The following CFAP47 variants were observed in gnomAD, a reference collection of about 807,000 sequenced individuals.
CFAP47 encodes the protein cilia- and flagella-associated protein 47.
In CFAP47, 29 loss-of-function variants were observed where a neutral mutation model predicts 148.1. That is an observed-to-expected ratio of 0.20 (90% confidence interval 0.15 to 0.27). CFAP47 has a LOEUF of 0.27. CFAP47 is among the 10% of genes least tolerant of loss of function. The pLI is 1.00. For missense variants in CFAP47, 1,872 were observed against 1,697.5 expected (o/e 1.10, Z -1.81); for synonymous variants, 664 against 577.3 (o/e 1.15, Z -2.15).
At chrX:36,306,257 G>A (rs1179349971) in intron 54 of CFAP47, among the ~76,000 whole-genome samples, 6 of 111,503 alleles carry the variant, frequency 5.4e-5, no homozygotes, top group African/African-American at 2.0e-4. Context: ...AACTAATACT[G>A]TACAGACTCA....
At chrX:36,199,919 C>CT (rs1473047520) in intron 42 of CFAP47, among the ~76,000 whole-genome samples, 1 of 111,588 alleles carries the variant, frequency 9.0e-6, no homozygotes, top group Non-Finnish European at 1.9e-5. Context: ...TACTTCTGGT[C>CT]TAATTATTTT....
Position 36,137,980 on chromosome X carries a change from G to T in CFAP47, c.5343G>T (p.Trp1781Cys), listed in dbSNP as rs1891599437. Residue 1781 changes from tryptophan (W) to cysteine (C), a missense_variant, in exon 34 of 64, where the codon TGG becomes TGT. Coordinates refer to ENST00000378653, the MANE Select transcript of CFAP47 (RefSeq NM_001304548.2). ...CAGATGTTATCCCTTCTGAGAGATG[G>T]ATAGTAAATTTTGACAAAGACCTTT... Reference protein sequence around the residue: ...CHKDVIPSERWIVNFDKDLSD... With the variant: ...CHKDVIPSERCIVNFDKDLSD... The T allele has an allele frequency of 2.5e-6, 2 of 807,291 alleles. No homozygotes were observed. The allele number at this position is 807,291 out of a possible 1,213,427, so 66.5% of individuals were successfully genotyped here. A position where few individuals can be genotyped will look rare whatever the true frequency, so the allele number is the denominator to read the frequency against.
chrX:36,369,124 G>A (rs892536312), intron 62 of CFAP47, among the ~76,000 whole-genome samples: 2 of 110,884 alleles, frequency 1.8e-5, no homozygotes, highest in South Asian at 3.8e-4. Context: ...TAAGTTCAAG[G>A]GCAGTTTCTA....
At chrX:35,965,844 CTGT>C (rs1398911513) in intron 8 of CFAP47, among the ~76,000 whole-genome samples, 1 of 110,869 alleles carries the variant, frequency 9.0e-6, no homozygotes, top group Admixed American at 9.6e-5. Flanking sequence ...AGTTGCAAGG[CTGT>C]TGTTTTTCAA....
intron 45 of CFAP47, among the ~76,000 whole-genome samples, chrX:36,222,111 A>G (rs1350988224): frequency 8.9e-6 from 1 of 111,799 alleles, no homozygotes; most frequent in Non-Finnish European, 1.9e-5. Flanking sequence ...GCACTTAACA[A>G]CTTTTCAGTA....
Position 35,919,875 on chromosome X carries a change from C to G in CFAP47, c.76C>G (p.Leu26Val). The change falls in exon 1 of 64, where the codon CTC (leucine) becomes GTC (valine). Residue 26 changes from leucine to valine, a missense_variant. By Grantham distance (32) the Leu-to-Val change is conservative. Transcript: ENST00000378653. ...CGCCATGAGCATCCAAAGGGGTTCCCTCGTCCCCCGGGATATGGATAGCTC... is the reference window on the plus strand; with the variant it reads ...CGCCATGAGCATCCAAAGGGGTTCCGTCGTCCCCCGGGATATGGATAGCTC... The part of the protein sequence containing the change: ...SLAMSIQRGS[L>V]VPRDMDSSGR... The G allele has an allele frequency of 8.3e-7, 1 of 1,210,700 alleles. No homozygotes were observed.
intron 48 of CFAP47, among the ~76,000 whole-genome samples, chrX:36,246,924 G>A (rs1239284303): frequency 3.6e-5 from 4 of 110,844 alleles, no homozygotes; most frequent in Non-Finnish European, 5.7e-5. Context: ...TCATTATTAG[G>A]TATATACCCA....
intron 13 of CFAP47, among the ~76,000 whole-genome samples, chrX:35,973,049 G>T (rs1569220488): frequency 8.9e-6 from 1 of 111,837 alleles, no homozygotes; most frequent in Non-Finnish European, 1.9e-5. Flanking sequence ...AGTATGAAAT[G>T]TTATCTCATT....
At chrX:36,059,122 C>A (rs1382813552) in intron 26 of CFAP47, among the ~76,000 whole-genome samples, 3 of 111,499 alleles carry the variant, frequency 2.7e-5, no homozygotes, top group African/African-American at 9.8e-5. Context: ...TGTTTTTGTG[C>A]TATTCTTTGT....
In CFAP47 at chrX:36,173,528, T is replaced by C. The variant is rs183576366; in HGVS notation, c.6027-5817T>C. Reference sequence around the variant, plus strand: ...TTGTTCTCGTCGGTTTCAAAGAACATCTTTATTTCTGCCTTCATTTTGTTA... The same window carrying C: ...TTGTTCTCGTCGGTTTCAAAGAACACCTTTATTTCTGCCTTCATTTTGTTA... On this transcript the variant is annotated intron_variant, in intron 39 of 63. Coordinates refer to ENST00000378653, the MANE Select transcript of CFAP47 (RefSeq NM_001304548.2). 2.4e-3 allele frequency among the ~76,000 whole-genome samples: 263 copies of C among 111,672 alleles called. 2 individuals are homozygous for C. Among genetic ancestry groups the C allele is most frequent in the Admixed American group, 5.6e-3 (59 of 10,537 alleles).
intron 24 of CFAP47, among the ~76,000 whole-genome samples, chrX:36,038,275 C>T (rs748838020): frequency 2.7e-5 from 3 of 111,973 alleles, no homozygotes; most frequent in Non-Finnish European, 5.6e-5. Flanking sequence ...TCTAAGATAT[C>T]AGCTTGAAAT....
intron 37 of CFAP47, among the ~76,000 whole-genome samples, chrX:36,153,454 G>A (rs1163921735): frequency 8.9e-6 from 1 of 111,913 alleles, no homozygotes; most frequent in South Asian, 3.7e-4. Context: ...TAGCCTCACC[G>A]CTGTGGTCAT....
chrX:36,236,182 G>T, intron 47 of CFAP47, 105 bp downstream of exon 47: 1 of 330,214 alleles, frequency 3.0e-6, no homozygotes. Flanking sequence ...CTGTTTAGTA[G>T]AAAAGTTAAT....
At chrX:36,138,643 T>A (rs771437678) in intron 35 of CFAP47, among the ~76,000 whole-genome samples, 179 bp downstream of exon 35, 1 of 111,156 alleles carries the variant, frequency 9.0e-6, no homozygotes, top group East Asian at 2.8e-4. Flanking sequence ...CTGGATATTT[T>A]AAAATTTGTA....
chrX:35,942,385 G>A (rs1038738214), intron 3 of CFAP47, among the ~76,000 whole-genome samples: 2 of 110,973 alleles, frequency 1.8e-5, no homozygotes, highest in Non-Finnish European at 3.8e-5. Context: ...ACTCATAACC[G>A]TTCCACATTG....
At chrX:36,226,489 C>G (rs1555991553) in intron 45 of CFAP47, among the ~76,000 whole-genome samples, 2 of 111,020 alleles carry the variant, frequency 1.8e-5, no homozygotes, top group African/African-American at 6.5e-5. Flanking sequence ...ATATATCACC[C>G]CTACTTATGT....
intron 37 of CFAP47, among the ~76,000 whole-genome samples, chrX:36,151,002 A>G (rs1385798903): frequency 1.8e-5 from 2 of 111,814 alleles, no homozygotes; most frequent in African/African-American, 3.2e-5. Context: ...TGAGATCTAT[A>G]CTCCACTCTT....
intron 25 of CFAP47, among the ~76,000 whole-genome samples, chrX:36,042,595 G>A (rs367830377): frequency 1.8e-5 from 2 of 110,384 alleles, no homozygotes; most frequent in African/African-American, 6.6e-5. Flanking sequence ...AATAGATAAA[G>A]ATATGAATGA....
At chrX:36,329,165 G>A (rs1354594282) in intron 57 of CFAP47, among the ~76,000 whole-genome samples, 6 of 111,194 alleles carry the variant, frequency 5.4e-5, no homozygotes, top group Non-Finnish European at 1.1e-4. Context: ...GAAACCTGGA[G>A]GATACCACCT....
Sources: allele counts gnomAD v4.1 joint callset (sites outside exome capture counted in the v4.1 genomes callset), GRCh38; gene constraint gnomAD v4.1.1; transcripts MANE v1.5; gene names NCBI Gene and HGNC (gene_info 2026-07-23, HGNC 2026-07-21).